TNK2: variants seen among roughly 807,000 people sequenced by gnomAD.
TNK2 encodes activated CDC42 kinase 1.
A neutral mutation model predicts 101.8 loss-of-function variants in TNK2; 83 were observed. The ratio of observed to expected loss-of-function variants is 0.82; its 90% CI spans 0.68 to 0.98. TNK2 has a LOEUF of 0.98. Ranked by LOEUF, TNK2 falls within the 50% of genes least tolerant of loss-of-function variation. The probability of loss-of-function intolerance (pLI) is 0.00; values close to 1 mark genes in which losing one functional copy is unlikely to be tolerated. For missense variants in TNK2, 1,665 were observed against 1,483.2 expected (o/e 1.12, Z -2.01); for synonymous variants, 804 against 633.0 (o/e 1.27, Z -4.06).
intron 6 of TNK2, among the ~76,000 whole-genome samples, chr3:195,880,822 C>A (rs1342310341): frequency 4.3e-5 from 1 of 23,060 alleles, no homozygotes; most frequent in Non-Finnish European, 7.8e-5. Context: ...CTGTAACACC[C>A]CCCCCAGCAA....
In TNK2 at chr3:195,867,706, C is replaced by A. The variant is rs772781801; in HGVS notation, c.2592G>T (p.Arg864=). The change falls in exon 13 of 16, where the codon CGG becomes CGT. Residue 864 remains arginine (R), a synonymous_variant. Coordinates refer to ENST00000672887, the MANE Select transcript of TNK2 (RefSeq NM_001382273.1). ...GGGTGCTGCTGACCTTCTTGCCATC[C>A]CGGACGATGGGCAGGATGCAGGGAC... ...RAGPCILPIV[R]DGKKVSSTHY... 2.5e-6 allele frequency: 4 copies of A among 1,608,042 alleles called. No individual in the cohort carries two copies. The African/African-American group carries it at 5.3e-5, about 22-fold the overall frequency.
Position 195,885,376 on chromosome 3 carries a change from T to G in TNK2, c.235-343A>C. On this transcript the variant is annotated intron_variant, in intron 3 of 15. Transcript: ENST00000672887. This position sits in a 1 kb window ranked among gnomAD's most constrained non-coding sequence, Gnocchi z 4.7. ...CCTCCCAGTCCTGCCCCACCCTCCC[T>G]TCCTGCACCCGCCACCCCGCAGACT... 21 of 975,210 alleles carry G rather than the reference T, an allele frequency of 2.2e-5. No homozygotes were observed. Among genetic ancestry groups the G allele is most frequent in the Non-Finnish European group, 3.0e-5 (21 of 694,162 alleles). The allele number at this position is 975,210 out of a possible 1,614,324, so 60.4% of individuals were successfully genotyped here.
chr3:195,895,449 A>T, intron 1 of TNK2: 1 of 1,421,664 alleles, frequency 7.0e-7, no homozygotes, highest in Non-Finnish European at 9.2e-7. Context: ...ACTGCGTCTC[A>T]GCCCCCATAG....
intron 1 of TNK2, among the ~76,000 whole-genome samples, chr3:195,902,617 C>CAA (rs776140268): frequency 9.3e-5 from 4 of 43,002 alleles, no homozygotes; most frequent in Non-Finnish European, 1.4e-4. Flanking sequence ...GACTCCGTCT[C>CAA]AAAAAAAAAA....
intron 1 of TNK2, chr3:195,895,843 GC>G (rs1424609882): frequency 1.9e-5 from 3 of 160,434 alleles, no homozygotes; most frequent in South Asian, 2.1e-4. Context: ...AGCCCACCCC[GC>G]CCCCAGCCTG....
chr3:195,905,991 T>C (rs6799624), intron 1 of TNK2, among the ~76,000 whole-genome samples: 152,042 of 152,318 alleles, frequency 1, 75,885 homozygotes, highest in East Asian at 1. Flanking sequence ...CGAAAAACCC[T>C]ACACAATTAA....
intron 12 of TNK2, 48 bp from the exon 13 acceptor site, chr3:195,868,757 T>TG (rs776221296): frequency 9.3e-5 from 139 of 1,500,034 alleles, no homozygotes; most frequent in African/African-American, 3.0e-4. Flanking sequence ...AGGCAGGGTC[T>TG]GGGACACGAG....
rs1576994554 is a variant in TNK2, at chr3:195,868,713, TG to T, written c.1589-5del. ...CTCACAGGGTCATAGGTTGGTTCTG[TG>T]ATGGAAAGGGAGAGCCCAACAGGAA... On this transcript the variant is annotated splice_polypyrimidine_tract_variant and splice_region_variant and intron_variant, in intron 12 of 15. Transcript: ENST00000672887. 13 of 1,551,476 alleles carry T rather than the reference TG, an allele frequency of 8.4e-6. No homozygotes were observed. Among genetic ancestry groups the T allele is most frequent in the Non-Finnish European group, 1.1e-5 (13 of 1,159,096 alleles).
At chr3:195,874,266 C>T (rs1462197888) in intron 9 of TNK2, among the ~76,000 whole-genome samples, 1 of 152,230 alleles carries the variant, frequency 6.6e-6, no homozygotes, top group Admixed American at 6.5e-5. Context: ...CAGGTCACTC[C>T]GTCTGGCCTC....
chr3:195,866,890 TGTG>T lies in TNK2; in HGVS notation c.3157_3159del (p.His1053del). 6.2e-7 allele frequency: 1 copy of T among 1,610,230 alleles called. No homozygotes were observed. The highest frequency in any genetic ancestry group is 8.5e-7 in the Non-Finnish European group (1 of 1,178,796). On this transcript the variant is annotated inframe_deletion and splice_region_variant, in exon 15 of 16. Coordinates refer to ENST00000672887, the MANE Select transcript of TNK2 (RefSeq NM_001382273.1). Reference sequence around the variant, plus strand: ...GGGCAGACTGTGGGGCTCACTCACTTGTGGTGGGCAGGGCCCCAGGAGCCCAGA... The same window carrying T: ...GGGCAGACTGTGGGGCTCACTCACTTGTGGGCAGGGCCCCAGGAGCCCAGA...
Position 195,878,609 on chromosome 3 carries a change from G to A in TNK2, c.1015-17C>T, listed in dbSNP as rs745340084. 1.9e-6 allele frequency: 3 copies of A among 1,607,244 alleles called. No individual in the cohort carries two copies. The highest frequency in any genetic ancestry group is 1.3e-5 in the African/African-American group (1 of 74,908). ...ATGCAGGATCTGAAGGTGAGGAGGT[G>A]CAGAGTTTGACGACAAACAGAGCGC... On this transcript the variant is annotated splice_polypyrimidine_tract_variant and intron_variant, in intron 7 of 15. Transcript: ENST00000672887. The surrounding 1 kb of genome is among the most constrained non-coding windows in gnomAD (Gnocchi z 4.7).
chr3:195,892,126 T>C lies in TNK2; in HGVS notation c.-18-3520A>G, dbSNP rs567207695. 370 of 596,208 alleles carry C rather than the reference T, an allele frequency of 6.2e-4. 6 individuals carry two copies. Among genetic ancestry groups the C allele is most frequent in the Non-Finnish European group, 1.1e-4 (43 of 408,974 alleles). 36.9% of individuals were successfully genotyped at this position (596,208 alleles called of 1,614,324 possible). A position where few individuals can be genotyped will look rare whatever the true frequency, so the allele number is the denominator to read the frequency against. ...CAGCACAGGGCATGGCTGCAGCTCC[T>C]CCAGAGTTCAAACACTCTCCAATTC... On this transcript the variant is annotated intron_variant, in intron 1 of 15. Coordinates refer to ENST00000672887, the MANE Select transcript of TNK2 (RefSeq NM_001382273.1).
intron 10 of TNK2, among the ~76,000 whole-genome samples, chr3:195,870,580 T>C (rs1413717614): frequency 6.6e-6 from 1 of 152,200 alleles, no homozygotes; most frequent in East Asian, 1.9e-4. Context: ...ATCCCAGCTA[T>C]GGTGCCCAGC....
chr3:195,901,409 GA>G (rs1761195306), intron 1 of TNK2, among the ~76,000 whole-genome samples: 1 of 152,176 alleles, frequency 6.6e-6, no homozygotes, highest in Admixed American at 6.5e-5. Flanking sequence ...GTGTACAGGG[GA>G]CAGAGAGAAA....
rs1361624227 is a variant in TNK2, at chr3:195,888,265, G to A, written c.163+161C>T. Among the ~76,000 whole-genome samples the A allele has an allele frequency of 6.6e-6, 1 of 152,054 alleles. No individual in the cohort carries two copies. The highest frequency in any genetic ancestry group is 1.5e-5 in the Non-Finnish European group (1 of 68,002). ...CAAACTCCAATTCACCTTTATAACTGCCAACTGTTCTCATCACACATCAGC... is the reference window on the plus strand; with the variant it reads ...CAAACTCCAATTCACCTTTATAACTACCAACTGTTCTCATCACACATCAGC... On this transcript the variant is annotated intron_variant, in intron 2 of 15. Transcript: ENST00000672887. This position sits in a 1 kb window ranked among gnomAD's most constrained non-coding sequence, Gnocchi z 5.3.
chr3:195,885,821 C>G lies in TNK2; in HGVS notation c.235-788G>C, dbSNP rs1755364962. Reference sequence around the variant, plus strand: ...TCGGCCTCCACTGAGGCACCCACAGCCTTGGCTCCAGATTGCAGATTCTTG... The same window carrying G: ...TCGGCCTCCACTGAGGCACCCACAGGCTTGGCTCCAGATTGCAGATTCTTG... On this transcript the variant is annotated intron_variant, in intron 3 of 15. Transcript: ENST00000672887. The surrounding 1 kb of genome is among the most constrained non-coding windows in gnomAD (Gnocchi z 4.7). 1 of 329,866 alleles carries G rather than the reference C, an allele frequency of 3.0e-6. No homozygotes were observed. The highest frequency in any genetic ancestry group is 6.0e-6 in the Non-Finnish European group (1 of 165,992). 20.4% of individuals were successfully genotyped at this position (329,866 alleles called of 1,614,324 possible). A position where few individuals can be genotyped will look rare whatever the true frequency, so the allele number is the denominator to read the frequency against.
chr3:195,874,460 G>A (rs1577027294), intron 9 of TNK2, among the ~76,000 whole-genome samples: 1 of 152,264 alleles, frequency 6.6e-6, no homozygotes, highest in Non-Finnish European at 1.5e-5. Flanking sequence ...GGGAAGGAGA[G>A]TAAGAGTGCG....
In TNK2 at chr3:195,872,383, G is replaced by A. The variant is rs970260089; in HGVS notation, c.1344C>T (p.Gly448=). 5 of 1,613,244 alleles carry A rather than the reference G, an allele frequency of 3.1e-6. No homozygotes were observed. The African/African-American group carries it at 4.0e-5, about 13-fold the overall frequency. The part of the protein sequence containing the change: ...FPRNVVTSVA[G]LSAQDISQPL... Reference sequence around the variant, plus strand: ...GCTGGCTGATGTCCTGGGCCGACAGGCCGGCCACGGAGGTCACCACGTTGC... The same window carrying A: ...GCTGGCTGATGTCCTGGGCCGACAGACCGGCCACGGAGGTCACCACGTTGC... The change falls in exon 10 of 16, where the codon GGC becomes GGT. Residue 448 remains glycine (G), a synonymous_variant. Transcript: ENST00000672887.
At position 195,878,700 on chromosome 3, in the gene TNK2, G is replaced by T; in HGVS notation, c.1015-108C>A. The T allele has an allele frequency of 6.8e-7, 1 of 1,469,258 alleles. No homozygotes were observed. 91.0% of individuals were successfully genotyped at this position (1,469,258 alleles called of 1,614,324 possible). A position where few individuals can be genotyped will look rare whatever the true frequency, so the allele number is the denominator to read the frequency against. On this transcript the variant is annotated intron_variant, in intron 7 of 15. Coordinates refer to ENST00000672887, the MANE Select transcript of TNK2 (RefSeq NM_001382273.1). This position sits in a 1 kb window ranked among gnomAD's most constrained non-coding sequence, Gnocchi z 4.7. The stretch of plus-strand genomic sequence containing the variant: ...GCTGCAGCGGCTGCTGCCATGCCTG[G>T]CCTCCAAAGAAGGGATCTGCCTGCC...
Sources: allele counts gnomAD v4.1 joint callset (sites outside exome capture counted in the v4.1 genomes callset), GRCh38; gene constraint gnomAD v4.1.1; non-coding constraint Gnocchi (gnomAD v3.1); transcripts MANE v1.5; gene names NCBI Gene and HGNC (gene_info 2026-07-23, HGNC 2026-07-21).